Variants in ZNF646 observed in about 807,000 individuals in gnomAD.
The protein encoded by ZNF646 is zinc finger protein 646.
Under a neutral mutation model 115.4 loss-of-function variants are expected in ZNF646, and 49 were observed. The ratio of observed to expected loss-of-function variants is 0.42; its 90% confidence interval spans 0.34 to 0.54. The LOEUF (loss-of-function observed/expected upper bound fraction) is 0.54, where lower values mean the gene tolerates loss of function less well. Ranked by LOEUF, ZNF646 falls within the 20% of genes least tolerant of loss-of-function variation. The pLI, the probability that ZNF646 is intolerant of heterozygous loss-of-function variation, is 0.04. For synonymous variants in ZNF646, 933 were observed against 939.0 expected (o/e 0.99, Z 0.12); for missense variants, 2,269 against 2,457.9 (o/e 0.92, Z 1.62).
In ZNF646 at chr16:31,076,557, C is replaced by T. The variant is rs759317522; in HGVS notation, c.233C>T (p.Thr78Ile). Residue 78 changes from threonine to isoleucine, a missense_variant, in exon 2 of 3, where the codon ACC becomes ATC. Physicochemically the swap from Thr to Ile is moderately conservative, Grantham distance 89. Around this residue, in one of 5 missense-constraint regions of ZNF646, gnomAD observed 334 missense variants for 323.5 expected, o/e 1.03. Coordinates refer to ENST00000300850, the MANE Select transcript of ZNF646 (RefSeq NM_014699.4). ...CACGAGACTGGCCTTTTCCCCTGTA[C>T]CACCTGTGGCAAGGACTTCTCCAAT... ...RTHETGLFPC[T>I]TCGKDFSNPM... is the part of the protein sequence containing the mutation. 7 of 1,612,404 alleles carry T rather than the reference C, an allele frequency of 4.3e-6. No individual in the cohort carries two copies. The East Asian group carries it at 6.7e-5, about 15-fold the overall frequency.
At position 31,083,710 on chromosome 16, in the gene ZNF646, T is replaced by C; in HGVS notation, c.*618T>C. On this transcript the variant is annotated 3_prime_UTR_variant, in exon 3 of 3. Coordinates refer to ENST00000300850, the MANE Select transcript of ZNF646 (RefSeq NM_014699.4). ...CTGCCCTGGTGCCTGGAATCACACA[T>C]GACAGGGTGGGGAGGACAGGGGCAG... 1 of 1,611,300 alleles carries C rather than the reference T, an allele frequency of 6.2e-7. No homozygotes were observed. The highest frequency in any genetic ancestry group is 8.5e-7 in the Non-Finnish European group (1 of 1,179,022).
At chr16:31,075,290 A>C (rs1456792022) in intron 1 of ZNF646, among the ~76,000 whole-genome samples, 2 of 151,974 alleles carry the variant, frequency 1.3e-5, no homozygotes, top group African/African-American at 4.8e-5. Flanking sequence ...TCGCTAAGAG[A>C]GTCTTTTGGG....
chr16:31,080,670 C>T lies in ZNF646; in HGVS notation c.4346C>T (p.Ser1449Leu), dbSNP rs768671058. Residue 1449 changes from serine to leucine, a missense_variant, in exon 2 of 3, where the codon TCA (serine) becomes TTA (leucine). Physicochemically the swap from Ser to Leu is moderately radical, Grantham distance 145. Transcript: ENST00000300850. ...CAGAGCCCCATCAGGGCAGCAAGCTCAGAAGCCCCAGAGCCACTGTCCTGG... is the reference window on the plus strand; with the variant it reads ...CAGAGCCCCATCAGGGCAGCAAGCTTAGAAGCCCCAGAGCCACTGTCCTGG... ...RSQSPIRAAS[S>L]EAPEPLSWGA... 5.6e-6 allele frequency: 9 copies of T among 1,613,928 alleles called. No individual in the cohort carries two copies. The South Asian group carries it at 6.6e-5, about 12-fold the overall frequency.
chr16:31,080,079 A>G lies in ZNF646; in HGVS notation c.3755A>G (p.His1252Arg). 1.2e-6 allele frequency: 2 copies of G among 1,613,276 alleles called. No individual in the cohort carries two copies. Among genetic ancestry groups the G allele is most frequent in the Non-Finnish European group, 1.7e-6 (2 of 1,179,860 alleles). Residue 1252 changes from histidine (H) to arginine (R), a missense_variant, in exon 2 of 3, where the codon CAT (histidine) becomes CGT (arginine). His to Arg is a conservative substitution (Grantham distance 29, BLOSUM62 0). Transcript: ENST00000300850. ...LMSLKNHRRI[H>R]ADPRRFRCSE... is the part of the protein sequence containing the mutation. ...TCCCTCAAGAACCACCGGCGCATCC[A>G]TGCAGATCCCCGACGTTTCCGCTGC...
chr16:31,081,912 T>G (rs1339597402), intron 2 of ZNF646: 12 of 829,310 alleles, frequency 1.4e-5, no homozygotes, highest in Non-Finnish European at 1.8e-5. Context: ...GCAGGGTGGG[T>G]TGGGCAGCAC....
At position 31,078,492 on chromosome 16, in the gene ZNF646, TG is replaced by T; in HGVS notation, c.2170del (p.Glu724LysfsTer114). On this transcript the variant is annotated frameshift_variant, in exon 2 of 3. Coordinates refer to ENST00000300850, the MANE Select transcript of ZNF646 (RefSeq NM_014699.4). LOFTEE classifies it high-confidence loss of function. Reference sequence around the variant, plus strand: ...AGTCCTCATGGGGCTGAAGGCAACCTGGAAAGTGATGGGGACTGTTTGCAGG... The same window carrying T: ...AGTCCTCATGGGGCTGAAGGCAACCTGAAAGTGATGGGGACTGTTTGCAGG... Reference protein sequence around the residue: ...GESPHGAEGNLESDGDCLQAE... With the variant: ...GESPHGAEGNXESDGDCLQAE... The T allele has an allele frequency of 6.3e-7, 1 of 1,589,228 alleles. No homozygotes were observed. The highest frequency in any genetic ancestry group is 8.6e-7 in the Non-Finnish European group (1 of 1,165,170).
At position 31,077,746 on chromosome 16, in the gene ZNF646, C is replaced by T. The variant is rs778249746; in HGVS notation, c.1422C>T (p.Tyr474=). The T allele has an allele frequency of 1.9e-6, 3 of 1,614,006 alleles. No individual in the cohort carries two copies. The highest frequency in any genetic ancestry group is 1.1e-5 in the South Asian group (1 of 91,076). The stretch of plus-strand genomic sequence containing the variant: ...AGTGCAGTGAGTGTGGTCGTGCTTA[C>T]CGCCACCGGGGGAGCCTGGTGAACC... ...PYKCSECGRA[Y]RHRGSLVNHR... is the part of the protein sequence containing the mutation. Residue 474 remains tyrosine, a synonymous_variant, in exon 2 of 3, where the codon TAC becomes TAT. Transcript: ENST00000300850.
Position 31,081,011 on chromosome 16 carries a change from T to G in ZNF646, c.4687T>G (p.Ser1563Ala), listed in dbSNP as rs1273861399. 6.2e-7 allele frequency: 1 copy of G among 1,613,936 alleles called. No homozygotes were observed. Among genetic ancestry groups the G allele is most frequent in the Non-Finnish European group, 8.5e-7 (1 of 1,180,004 alleles). The stretch of plus-strand genomic sequence containing the variant: ...AGACCGACACTATTGCCTGCTCTGC[T>G]CCAAGGAGTTCTTAAATCCTGTGGC... ...KTDRHYCLLC[S>A]KEFLNPVATK... The change falls in exon 2 of 3, where the codon TCC becomes GCC. Residue 1563 changes from serine (S) to alanine (A), a missense_variant. Ser to Ala is a moderately conservative substitution (Grantham distance 99). Coordinates refer to ENST00000300850, the MANE Select transcript of ZNF646 (RefSeq NM_014699.4).
chr16:31,077,612 G>T lies in ZNF646; in HGVS notation c.1288G>T (p.Val430Phe), dbSNP rs771586836. The T allele has an allele frequency of 6.2e-7, 1 of 1,613,792 alleles. No homozygotes were observed. Among genetic ancestry groups the T allele is most frequent in the Non-Finnish European group, 8.5e-7 (1 of 1,179,910 alleles). Residue 430 changes from valine (V) to phenylalanine (F), a missense_variant, in exon 2 of 3, where the codon GTT becomes TTT. Around this residue, in one of 5 missense-constraint regions of ZNF646, gnomAD observed 852 missense variants for 900.2 expected, o/e 0.95. Coordinates refer to ENST00000300850, the MANE Select transcript of ZNF646 (RefSeq NM_014699.4). ...VRAHHRPRQGVGENGQPSVPP... is the reference protein window; with the variant it reads ...VRAHHRPRQGFGENGQPSVPP... ...GGCTCATCACAGGCCCAGGCAAGGAGTTGGGGAAAATGGGCAGCCATCAGT... is the reference window on the plus strand; with the variant it reads ...GGCTCATCACAGGCCCAGGCAAGGATTTGGGGAAAATGGGCAGCCATCAGT...
Position 31,076,834 on chromosome 16 carries a change from A to C in ZNF646, c.510A>C (p.Gln170His). Residue 170 changes from glutamine to histidine, a missense_variant, in exon 2 of 3, where the codon CAA (glutamine) becomes CAC (histidine). Around this residue, in one of 5 missense-constraint regions of ZNF646, gnomAD observed 334 missense variants for 323.5 expected, o/e 1.03. Transcript: ENST00000300850. The part of the protein sequence containing the change: ...SGTWEDLPTR[Q>H]REGLASHPGP... ...CGTGGGAAGATCTGCCCACCAGACA[A>C]AGAGAAGGCTTGGCAAGCCACCCAG... The C allele has an allele frequency of 3.1e-6, 5 of 1,614,114 alleles. No individual in the cohort carries two copies. The highest frequency in any genetic ancestry group is 1.3e-5 in the African/African-American group (1 of 75,036).
In ZNF646 at chr16:31,078,500, G is replaced by C. The variant is rs1272299778; in HGVS notation, c.2176G>C (p.Asp726His). The part of the protein sequence containing the change: ...PHGAEGNLES[D>H]GDCLQAESEG... ...TGGGGCTGAAGGCAACCTGGAAAGT[G>C]ATGGGGACTGTTTGCAGGCTGAATC... Residue 726 changes from aspartate to histidine, a missense_variant, in exon 2 of 3, where the codon GAT (aspartate) becomes CAT (histidine). By Grantham distance (81) the Asp-to-His change is moderately conservative. This residue lies in a region of ZNF646 where 852 missense variants were observed against 900.2 expected (regional missense o/e 0.95). Transcript: ENST00000300850. 6.3e-7 allele frequency: 1 copy of C among 1,592,348 alleles called. No homozygotes were observed. Among genetic ancestry groups the C allele is most frequent in the Admixed American group, 1.7e-5 (1 of 58,864 alleles).
chr16:31,080,293 G>A lies in ZNF646; in HGVS notation c.3969G>A (p.Thr1323=), dbSNP rs376475994. The A allele has an allele frequency of 6.2e-6, 10 of 1,613,024 alleles. No homozygotes were observed. The highest frequency in any genetic ancestry group is 4.0e-5 in the African/African-American group (3 of 74,934). ...TGAACCACCGGCGCAGCCACGAGAC[G>A]GGCCAGTACAGCTGCCCCACCTGCC... ...SLLNHRRSHE[T]GQYSCPTCPK... is the part of the protein sequence containing the mutation. The change falls in exon 2 of 3, where the codon ACG becomes ACA. Residue 1323 remains threonine (T), a synonymous_variant. Transcript: ENST00000300850.
chr16:31,076,481 T>G lies in ZNF646; in HGVS notation c.157T>G (p.Cys53Gly). ...SIPRPYRCQQ[C>G]GRGYRHPGSL... ...CCCTCGGCCCTACCGTTGTCAGCAG[T>G]GTGGGCGGGGCTACCGTCACCCCGG... The change falls in exon 2 of 3, where the codon TGT becomes GGT. Residue 53 changes from cysteine (C) to glycine (G), a missense_variant. Cys to Gly is a radical substitution (Grantham distance 159, BLOSUM62 -3). This residue lies in a region of ZNF646 where 334 missense variants were observed against 323.5 expected (regional missense o/e 1.03). Coordinates refer to ENST00000300850, the MANE Select transcript of ZNF646 (RefSeq NM_014699.4). 1.2e-6 allele frequency: 2 copies of G among 1,613,742 alleles called. No individual in the cohort carries two copies. The highest frequency in any genetic ancestry group is 1.7e-6 in the Non-Finnish European group (2 of 1,179,962).
In ZNF646 at chr16:31,080,125, C is replaced by T; in HGVS notation, c.3801C>T (p.Phe1267=). 6.2e-7 allele frequency: 1 copy of T among 1,612,984 alleles called. No individual in the cohort carries two copies. The highest frequency in any genetic ancestry group is 8.5e-7 in the Non-Finnish European group (1 of 1,179,846). Residue 1267 remains phenylalanine, a synonymous_variant, in exon 2 of 3, where the codon TTC becomes TTT. Coordinates refer to ENST00000300850, the MANE Select transcript of ZNF646 (RefSeq NM_014699.4). ...RFRCSECGKA[F]RLRKQLASHQ... ...GCTGCAGCGAGTGTGGGAAGGCCTT[C>T]CGCCTGCGGAAACAGCTGGCCAGCC...
Position 31,079,285 on chromosome 16 carries a change from C to G in ZNF646, c.2961C>G (p.Asp987Glu), listed in dbSNP as rs776429405. 3.1e-6 allele frequency: 5 copies of G among 1,613,616 alleles called. No homozygotes were observed. Among genetic ancestry groups the G allele is most frequent in the Non-Finnish European group, 4.2e-6 (5 of 1,179,744 alleles). The change falls in exon 2 of 3, where the codon GAC (aspartate) becomes GAG (glutamate). Residue 987 changes from aspartate to glutamate, a missense_variant. Asp to Glu is a conservative substitution (Grantham distance 45). Coordinates refer to ENST00000300850, the MANE Select transcript of ZNF646 (RefSeq NM_014699.4). This position sits in a 1 kb window ranked among gnomAD's most constrained non-coding sequence, Gnocchi z 5.5. Reference sequence around the variant, plus strand: ...GTCAGAGTTCTGGGACTACTGCAGACAAGGCTCCCAGCCCCTTGGGAGTGG... The same window carrying G: ...GTCAGAGTTCTGGGACTACTGCAGAGAAGGCTCCCAGCCCCTTGGGAGTGG... ...HQSQSSGTTA[D>E]KAPSPLGVAG... is the part of the protein sequence containing the mutation.
intron 1 of ZNF646, 112 bp from the exon 2 acceptor site, chr16:31,076,134 G>A: frequency 1.5e-6 from 1 of 651,688 alleles, no homozygotes; most frequent in Admixed American, 3.3e-5. Context: ...TAGGTCCTTG[G>A]GCATGGATGC....
chr16:31,075,068 C>T (rs1001324583), intron 1 of ZNF646, among the ~76,000 whole-genome samples: 15 of 152,118 alleles, frequency 9.9e-5, no homozygotes, highest in Non-Finnish European at 2.1e-4. Context: ...AGCACAGTGC[C>T]TGGCACATGG....
At position 31,077,305 on chromosome 16, in the gene ZNF646, G is replaced by A. The variant is rs2057090514; in HGVS notation, c.981G>A (p.Glu327=). 3.1e-6 allele frequency: 5 copies of A among 1,613,612 alleles called. No individual in the cohort carries two copies. The Admixed American group carries it at 8.3e-5, about 27-fold the overall frequency. ...AAAGGCAGGAGCCACGCTGGGAGGA[G>A]AAAGGGATGCCCACCACCAATGGGC... is the stretch of plus-strand genomic sequence containing the variant. ...EGERQEPRWE[E]KGMPTTNGHT... The change falls in exon 2 of 3, where the codon GAG becomes GAA. Residue 327 remains glutamate (E), a synonymous_variant. Coordinates refer to ENST00000300850, the MANE Select transcript of ZNF646 (RefSeq NM_014699.4).
At chr16:31,073,556 C>T (rs1252103677), upstream of ZNF646, 11 of 152,134 alleles carry the variant, frequency 7.2e-5, no homozygotes, top group Admixed American at 7.2e-4. Context: ...GCTGGGCCAA[C>T]CCGGCCCGCC....
Sources: gnomAD v4.1 joint callset for allele counts (sites outside exome capture counted in the v4.1 genomes callset) on GRCh38, gnomAD v4.1.1 for gene constraint, gnomAD v4.1.1 regional missense constraint, Gnocchi (gnomAD v3.1) non-coding constraint, MANE v1.5 for transcripts, NCBI Gene and HGNC (gene_info 2026-07-23, HGNC 2026-07-21) for gene names.